LRP1B: variants seen among roughly 807,000 people sequenced by gnomAD.
The protein encoded by LRP1B is low-density lipoprotein receptor-related protein 1B.
In LRP1B, 217 loss-of-function variants were observed where a neutral mutation model predicts 556.6. The observed-to-expected ratio is 0.39, with a 90% CI of 0.35 to 0.44. The LOEUF (loss-of-function observed/expected upper bound fraction) is 0.44, where lower values mean the gene tolerates loss of function less well. Ranked by LOEUF, LRP1B falls within the 20% of genes least tolerant of loss-of-function variation. The pLI, the probability that LRP1B is intolerant of heterozygous loss-of-function variation, is 1.00. For synonymous variants in LRP1B, 2,047 were observed against 1,865.8 expected (o/e 1.10, Z -2.50); for missense variants, 5,053 against 5,620.8 (o/e 0.90, Z 3.23).
chr2:141,130,480 G>C (rs1421178289), intron 7 of LRP1B, among the ~76,000 whole-genome samples: 1 of 151,946 alleles, frequency 6.6e-6, no homozygotes, highest in Non-Finnish European at 1.5e-5. Context: ...TGTAATTTTT[G>C]TAATGTGCTA....
chr2:140,789,196 G>C (rs1161109987), intron 32 of LRP1B, among the ~76,000 whole-genome samples: 1 of 152,146 alleles, frequency 6.6e-6, no homozygotes, highest in Non-Finnish European at 1.5e-5. Flanking sequence ...TCCAGTCTGA[G>C]AAGCAAAACG....
intron 3 of LRP1B, among the ~76,000 whole-genome samples, chr2:141,400,623 G>T (rs1238477925): frequency 6.6e-6 from 1 of 152,102 alleles, no homozygotes; most frequent in Non-Finnish European, 1.5e-5. Flanking sequence ...GTAGCGTCAA[G>T]AGCCTTCAGA....
chr2:141,022,573 G>A (rs1395680623), intron 11 of LRP1B, among the ~76,000 whole-genome samples: 1 of 151,874 alleles, frequency 6.6e-6, no homozygotes. Context: ...TCAGTCTTAT[G>A]TACGTTTGAT....
chr2:140,974,898 T>C (rs1311126313), intron 18 of LRP1B, among the ~76,000 whole-genome samples: 2 of 152,162 alleles, frequency 1.3e-5, no homozygotes, highest in Non-Finnish European at 2.9e-5. Flanking sequence ...GAATCATTCA[T>C]GAAATTGTGT....
At chr2:140,547,003 C>T (rs1259536545) in intron 43 of LRP1B, among the ~76,000 whole-genome samples, 1 of 152,054 alleles carries the variant, frequency 6.6e-6, no homozygotes, top group East Asian at 1.9e-4. Flanking sequence ...AGGGATAAAG[C>T]CTACTTGATT....
intron 3 of LRP1B, among the ~76,000 whole-genome samples, chr2:141,350,733 T>C (rs537935248): frequency 6.6e-6 from 1 of 152,150 alleles, no homozygotes; most frequent in South Asian, 2.1e-4. Context: ...ATAAAGCAGG[T>C]AATCATGGAA....
At chr2:142,035,702 T>C (rs1243781617) in intron 1 of LRP1B, among the ~76,000 whole-genome samples, 2 of 151,630 alleles carry the variant, frequency 1.3e-5, no homozygotes, top group African/African-American at 4.8e-5. Flanking sequence ...CTTTCACTCC[T>C]TACTCTGAAA....
intron 53 of LRP1B, among the ~76,000 whole-genome samples, chr2:140,506,408 G>A (rs573701616): frequency 3.9e-4 from 59 of 151,652 alleles, no homozygotes; most frequent in African/African-American, 5.3e-4. Context: ...CATGCCTGAC[G>A]AATTTTTGTA....
At chr2:141,391,994 T>C (rs936067342) in intron 3 of LRP1B, among the ~76,000 whole-genome samples, 1 of 152,090 alleles carries the variant, frequency 6.6e-6, no homozygotes, top group Non-Finnish European at 1.5e-5. Flanking sequence ...TGCATGTATA[T>C]CCAAAGCATG....
At chr2:141,454,918 C>T (rs1165358686) in intron 3 of LRP1B, among the ~76,000 whole-genome samples, 4 of 152,172 alleles carry the variant, frequency 2.6e-5, no homozygotes, top group Non-Finnish European at 4.4e-5. Context: ...AAATTCTCTT[C>T]TGGCATCTCT....
chr2:141,454,883 C>T (rs1381796230), intron 3 of LRP1B, among the ~76,000 whole-genome samples: 4 of 152,196 alleles, frequency 2.6e-5, no homozygotes, highest in East Asian at 3.9e-4. Context: ...CTGAGGAATA[C>T]TCTCCAAGAC....
chr2:140,390,329 C>CAAT (rs1683961078), intron 66 of LRP1B, among the ~76,000 whole-genome samples: 2 of 151,956 alleles, frequency 1.3e-5, no homozygotes, highest in African/African-American at 4.8e-5. Context: ...AATTGAGTTT[C>CAAT]AATAAAGGCC....
At chr2:141,803,777 T>G (rs1275489664) in intron 2 of LRP1B, among the ~76,000 whole-genome samples, 1 of 152,142 alleles carries the variant, frequency 6.6e-6, no homozygotes, top group Non-Finnish European at 1.5e-5. Flanking sequence ...ACCTGAATTC[T>G]ATTTTATTTC....
chr2:140,665,039 C>A (rs770031470), intron 41 of LRP1B, among the ~76,000 whole-genome samples: 1 of 151,900 alleles, frequency 6.6e-6, no homozygotes, highest in Non-Finnish European at 1.5e-5. Context: ...TGTATCTTAC[C>A]TTTAGAGATT....
At chr2:140,418,530 A>C (rs796625775) in intron 66 of LRP1B, among the ~76,000 whole-genome samples, 4 of 152,282 alleles carry the variant, frequency 2.6e-5, no homozygotes, top group African/African-American at 9.6e-5. Flanking sequence ...TGAGATTGCC[A>C]CAAAAGCACT....
chr2:141,677,500 T>A lies in LRP1B; in HGVS notation c.205+132779A>T, dbSNP rs575685786. ...GTGAGTTTTATATGTATATATATAT[T>A]TTTTTTTGAGATGGAATTTCGCTCT... is the stretch of plus-strand genomic sequence containing the variant. On this transcript the variant is annotated intron_variant, in intron 2 of 90. Coordinates refer to ENST00000389484, the MANE Select transcript of LRP1B (RefSeq NM_018557.3). 4.0e-3 allele frequency among the ~76,000 whole-genome samples: 606 copies of A among 151,842 alleles called. 1 individual carries two copies. The highest frequency in any genetic ancestry group is 5.5e-3 in the African/African-American group (229 of 41,470).
intron 3 of LRP1B, among the ~76,000 whole-genome samples, chr2:141,328,423 A>C (rs1321846585): frequency 1.3e-5 from 2 of 152,196 alleles, no homozygotes; most frequent in Non-Finnish European, 2.9e-5. Flanking sequence ...AACATTAGCT[A>C]ATTTTTTCCT....
chr2:140,672,541 G>A (rs1003347077), intron 41 of LRP1B, among the ~76,000 whole-genome samples: 8 of 142,352 alleles, frequency 5.6e-5, no homozygotes, highest in African/African-American at 2.1e-4. Context: ...AAATCCAGCA[G>A]AGTAAACTCC....
At chr2:141,480,195 TGTC>T (rs2105089085) in intron 3 of LRP1B, among the ~76,000 whole-genome samples, 198 bp downstream of exon 3, 1 of 136,316 alleles carries the variant, frequency 7.3e-6, no homozygotes, top group Admixed American at 7.4e-5. Context: ...GTGTGTGTGT[TGTC>T]TAATGGTGTT....
Sources: allele counts gnomAD v4.1 joint callset (sites outside exome capture counted in the v4.1 genomes callset), GRCh38; gene constraint gnomAD v4.1.1; transcripts MANE v1.5; gene names NCBI Gene and HGNC (gene_info 2026-07-23, HGNC 2026-07-21).